The following CALN1 variants were observed in gnomAD, a reference collection of about 807,000 sequenced individuals.
CALN1 encodes the protein calcium-binding protein 8.
CALN1 carries 17 observed loss-of-function variants against 30.6 expected under a neutral mutation model. The ratio of observed to expected loss-of-function variants is 0.56; its 90% CI spans 0.38 to 0.83. The LOEUF (loss-of-function observed/expected upper bound fraction) is 0.83, where lower values mean the gene tolerates loss of function less well. Ranked by LOEUF, CALN1 falls within the 40% of genes least tolerant of loss-of-function variation. The pLI is 0.00. For synonymous variants in CALN1, 156 were observed against 131.4 expected, an observed-to-expected ratio of 1.19 and a Z score of -1.28; for missense variants, 291 against 354.9, an observed-to-expected ratio of 0.82 and a Z score of 1.45.
intron 3 of CALN1, among the ~76,000 whole-genome samples, chr7:72,182,375 G>C (rs901652994): frequency 2.6e-5 from 4 of 151,860 alleles, no homozygotes; most frequent in African/African-American, 9.7e-5. Context: ...GCATGTGGTT[G>C]AAAAAAAATC....
At chr7:71,847,743 G>GAAGAAAGAAGAAAGAAGAAGA (rs1386376397) in intron 5 of CALN1, among the ~76,000 whole-genome samples, 5,107 of 93,918 alleles carry the variant, frequency 0.054, 384 homozygotes, top group African/African-American at 0.18. Context: ...AAAGAAGAAA[G>GAAGAAAGAAGAAAGAAGAAGA]AAGAAGAAAG....
rs556404490 is a variant in CALN1 at position 72,400,041 on chromosome 7, T to A, written c.119+3210A>T. 9.2e-5 allele frequency among the ~76,000 whole-genome samples: 14 copies of A among 152,300 alleles called. No individual in the cohort carries two copies. In the East Asian group the frequency reaches 2.5e-3, roughly 27 times the overall value. On this transcript the variant is annotated intron_variant, in intron 2 of 6. Coordinates refer to ENST00000395275, the MANE Select transcript of CALN1 (RefSeq NM_031468.4). ...TCCTCAGCAGAAGCAGATTAGGCCA[T>A]CCCCTTCTTGTACAGTCTGCAGAAC...
At chr7:72,202,415 TTTC>T (rs1471623044) in intron 3 of CALN1, among the ~76,000 whole-genome samples, 1 of 152,184 alleles carries the variant, frequency 6.6e-6, no homozygotes, top group Non-Finnish European at 1.5e-5. Flanking sequence ...GAAAACATCT[TTTC>T]TTGACCTTTA....
At chr7:71,801,648 G>T (rs1366487106) in intron 6 of CALN1, among the ~76,000 whole-genome samples, 3 of 152,036 alleles carry the variant, frequency 2.0e-5, no homozygotes, top group African/African-American at 7.2e-5. Flanking sequence ...TTCATATTAG[G>T]TTGGTGCAAA....
upstream of CALN1, among the ~76,000 whole-genome samples, chr7:72,413,578 A>G (rs1562960050): frequency 6.6e-6 from 1 of 151,980 alleles, no homozygotes; most frequent in Non-Finnish European, 1.5e-5. Flanking sequence ...CACCACACAC[A>G]CACTCATACA....
intron 3 of CALN1, among the ~76,000 whole-genome samples, chr7:72,217,831 A>C (rs1199415306): frequency 5.3e-5 from 7 of 133,054 alleles, no homozygotes; most frequent in African/African-American, 8.6e-5. Flanking sequence ...AAATTAAATA[A>C]ATTTTTTTTT....
chr7:72,382,109 C>T (rs1272471466), intron 2 of CALN1, among the ~76,000 whole-genome samples: 1 of 152,086 alleles, frequency 6.6e-6, no homozygotes, highest in Non-Finnish European at 1.5e-5. Context: ...AATGCAAGCC[C>T]CTTGGATGGA....
At position 72,261,427 on chromosome 7, in the gene CALN1, C is replaced by CTT. The variant is rs34736636; in HGVS notation, c.244+17257_244+17258dup. The stretch of plus-strand genomic sequence containing the variant: ...GTCCTGAAACCATTTATTTCAGAAG[C>CTT]TTTTTTTTTTTCTTAGAGTATCACT... On this transcript the variant is annotated intron_variant, in intron 3 of 6. Coordinates refer to ENST00000395275, the MANE Select transcript of CALN1 (RefSeq NM_031468.4). Among the ~76,000 whole-genome samples the CTT allele has an allele frequency of 7.5e-3, 1,119 of 149,090 alleles. 16 individuals carry two copies. Among genetic ancestry groups the CTT allele is most frequent in the African/African-American group, 0.026 (1,037 of 40,640 alleles).
intron 5 of CALN1, among the ~76,000 whole-genome samples, chr7:71,908,766 C>G (rs1018329495): frequency 6.6e-6 from 1 of 152,140 alleles, no homozygotes; most frequent in Non-Finnish European, 1.5e-5. Flanking sequence ...CTACAGTGGT[C>G]AACTCACTAA....
intron 5 of CALN1, among the ~76,000 whole-genome samples, chr7:71,839,484 A>G (rs1039527731): frequency 1.3e-5 from 2 of 152,196 alleles, no homozygotes; most frequent in Non-Finnish European, 2.9e-5. Context: ...GTGAGCCGAG[A>G]TTGCACCACT....
chr7:71,969,787 A>G (rs1010105578), intron 5 of CALN1, among the ~76,000 whole-genome samples: 1 of 151,752 alleles, frequency 6.6e-6, no homozygotes, highest in Admixed American at 6.6e-5. Flanking sequence ...GTCCCATTGA[A>G]TTAGGTGTGG....
intron 5 of CALN1, among the ~76,000 whole-genome samples, chr7:71,816,170 T>G (rs1788254902): frequency 6.6e-6 from 1 of 152,036 alleles, no homozygotes. Context: ...GCACCTCTGT[T>G]CTAAAAAATT....
chr7:72,059,941 T>C (rs576062319), intron 4 of CALN1, among the ~76,000 whole-genome samples: 3 of 147,838 alleles, frequency 2.0e-5, no homozygotes, highest in East Asian at 2.1e-4. Flanking sequence ...GAGAAGTAAG[T>C]TGTAGTAGCA....
intron 5 of CALN1, among the ~76,000 whole-genome samples, chr7:72,018,445 T>C (rs895633001): frequency 1.1e-4 from 16 of 152,020 alleles, no homozygotes; most frequent in African/African-American, 3.1e-4. Flanking sequence ...CCTCAGCAAA[T>C]ATACCACTGC....
At position 72,288,521 on chromosome 7, in the gene CALN1, T is replaced by TG. The variant is rs35295605; in HGVS notation, c.120-9712_120-9711insC. 3.3e-3 allele frequency among the ~76,000 whole-genome samples: 509 copies of TG among 152,164 alleles called. 22 individuals carry two copies. In the East Asian group the frequency reaches 0.083, roughly 25 times the overall value. ...AGACTCCACCTTTTGAAAAATGGAG[T>TG]ATCAGATAATTTTTAGATGTATTTT... is the stretch of plus-strand genomic sequence containing the variant. On this transcript the variant is annotated intron_variant, in intron 2 of 6. Transcript: ENST00000395275.
At chr7:71,815,113 G>GT (rs35989289) in intron 5 of CALN1, among the ~76,000 whole-genome samples, 1,640 of 152,224 alleles carry the variant, frequency 0.011, 14 homozygotes, top group Non-Finnish European at 0.015. Flanking sequence ...GATTACAGGC[G>GT]TGAGTCAACA....
At chr7:72,076,832 T>C (rs1461207986) in intron 4 of CALN1, among the ~76,000 whole-genome samples, 2 of 152,116 alleles carry the variant, frequency 1.3e-5, no homozygotes, top group African/African-American at 4.8e-5. Flanking sequence ...GCCAGGATAC[T>C]AGACCAGCAA....
chr7:72,359,034 T>TTTTC (rs1421861777), intron 2 of CALN1, among the ~76,000 whole-genome samples: 1 of 151,990 alleles, frequency 6.6e-6, no homozygotes. Flanking sequence ...GTGCATCCTT[T>TTTTC]TTTCTTCTTC....
chr7:72,217,074 A>G (rs1271277135), intron 3 of CALN1, among the ~76,000 whole-genome samples: 8 of 152,138 alleles, frequency 5.3e-5, no homozygotes, highest in African/African-American at 1.9e-4. Flanking sequence ...ATGTGACAAG[A>G]TGTTAAGAGG....
Sources: gnomAD v4.1 joint callset for allele counts (sites outside exome capture counted in the v4.1 genomes callset) on GRCh38, gnomAD v4.1.1 for gene constraint, MANE v1.5 for transcripts, NCBI Gene and HGNC (gene_info 2026-07-23, HGNC 2026-07-21) for gene names.